The following PTER variants were observed in gnomAD, a reference collection of about 807,000 sequenced individuals.
PTER encodes the protein N-acetyltaurine hydrolase.
PTER carries 38 observed loss-of-function variants against 29.6 expected under a neutral mutation model. The observed-to-expected ratio is 1.28, with a 90% CI of 0.99 to 1.68. The LOEUF is 1.68. Among genes scored for constraint, PTER ranks in the 40% most tolerant of loss-of-function variants. The pLI, the probability that PTER is intolerant of heterozygous loss-of-function variation, is 0.00. For missense variants in PTER, 482 were observed against 427.8 expected (o/e 1.13, Z -1.12); for synonymous variants, 172 against 154.5 (o/e 1.11, Z -0.84).
intron 1 of PTER, among the ~76,000 whole-genome samples, chr10:16,454,412 T>C (rs935365761): frequency 1.3e-5 from 2 of 151,832 alleles, no homozygotes; most frequent in Admixed American, 1.3e-4. Context: ...CCATCTCTAC[T>C]AAAAATACAA....
intron 4 of PTER, among the ~76,000 whole-genome samples, chr10:16,506,735 G>A (rs1373239277): frequency 6.6e-6 from 1 of 151,944 alleles, no homozygotes; most frequent in African/African-American, 2.4e-5. Context: ...GTCCTCTAGT[G>A]TCTCTGTGAG....
At chr10:16,467,582 T>G (rs1394317439) in intron 1 of PTER, among the ~76,000 whole-genome samples, 1 of 151,980 alleles carries the variant, frequency 6.6e-6, no homozygotes, top group African/African-American at 2.4e-5. Context: ...GAGGTTGAGG[T>G]GGGTGGATCA....
chr10:16,477,758 C>G (rs1239546096), intron 1 of PTER, among the ~76,000 whole-genome samples: 1 of 152,138 alleles, frequency 6.6e-6, no homozygotes, highest in African/African-American at 2.4e-5. Flanking sequence ...TCAAGAATAG[C>G]CTTCCAGATG....
chr10:16,479,956 T>C (rs577863569), intron 1 of PTER, among the ~76,000 whole-genome samples: 1 of 150,514 alleles, frequency 6.6e-6, no homozygotes, highest in African/African-American at 2.4e-5. Flanking sequence ...ATTAGGTTGG[T>C]GCAAAAATAA....
chr10:16,492,424 A>C (rs556897057), intron 3 of PTER, among the ~76,000 whole-genome samples: 1 of 152,212 alleles, frequency 6.6e-6, no homozygotes, highest in Admixed American at 6.5e-5. Context: ...TAATGATAGC[A>C]CTGCCTTGGC....
chr10:16,477,089 A>G (rs1835297325), intron 1 of PTER, among the ~76,000 whole-genome samples: 1 of 152,012 alleles, frequency 6.6e-6, no homozygotes, highest in Non-Finnish European at 1.5e-5. Context: ...TGTTTTTAGT[A>G]GAGATGGGCT....
intron 1 of PTER, among the ~76,000 whole-genome samples, chr10:16,447,391 G>A (rs1406086807): frequency 6.6e-6 from 1 of 151,924 alleles, no homozygotes; most frequent in East Asian, 1.9e-4. Context: ...GTGAACCACT[G>A]CACTAAGCCT....
intron 1 of PTER, among the ~76,000 whole-genome samples, chr10:16,466,182 T>C (rs552450566): frequency 1.3e-5 from 2 of 152,266 alleles, no homozygotes; most frequent in South Asian, 4.1e-4. Flanking sequence ...GGTGTTGACT[T>C]TCCCAGGCAG....
At chr10:16,479,350 G>A (rs1421422609) in intron 1 of PTER, among the ~76,000 whole-genome samples, 1 of 152,138 alleles carries the variant, frequency 6.6e-6, no homozygotes, top group East Asian at 1.9e-4. Context: ...AGCTGAGAGA[G>A]TAGAAGCATG....
chr10:16,481,544 A>C lies in PTER; in HGVS notation c.-48-2793A>C, dbSNP rs941367895. On this transcript the variant is annotated intron_variant, in intron 1 of 4. Transcript: ENST00000535784. ...ACAGTTTGTTCTTTAATCGTTTCTT[A>C]TCCTTTGAGTGGAGGTTACATTGTG... Among the ~76,000 whole-genome samples the C allele has an allele frequency of 2.0e-5, 3 of 152,138 alleles. No homozygotes were observed. The East Asian group carries it at 5.8e-4, about 29-fold the overall frequency.
chr10:16,474,908 T>C (rs943091354), intron 1 of PTER, among the ~76,000 whole-genome samples: 2 of 151,852 alleles, frequency 1.3e-5, no homozygotes, highest in Non-Finnish European at 2.9e-5. Context: ...CAAAACAAAT[T>C]TATTTCTCAT....
intron 3 of PTER, among the ~76,000 whole-genome samples, chr10:16,492,354 C>T (rs996746378): frequency 1.3e-5 from 2 of 152,178 alleles, no homozygotes; most frequent in African/African-American, 4.8e-5. Flanking sequence ...TTCTGCCTTT[C>T]AATCACTTAC....
Position 16,501,103 on chromosome 10 carries a change from G to C in PTER, c.699-3917G>C, listed in dbSNP as rs746024357. On this transcript the variant is annotated intron_variant, in intron 3 of 4. Coordinates refer to ENST00000535784, the MANE Select transcript of PTER (RefSeq NM_001261836.2). The stretch of plus-strand genomic sequence containing the variant: ...GTGCCACCACACCCAGTTAATTTTT[G>C]TATTTTTAGTAAAGCCAGGGTTTCA... 3.3e-5 allele frequency among the ~76,000 whole-genome samples: 5 copies of C among 151,736 alleles called. No individual in the cohort carries two copies. In the South Asian group the frequency reaches 1.0e-3, roughly 32 times the overall value.
downstream of PTER, among the ~76,000 whole-genome samples, chr10:16,517,752 G>A (rs894069166): frequency 2.6e-5 from 4 of 152,092 alleles, no homozygotes; most frequent in Non-Finnish European, 5.9e-5. Context: ...TATTAGTGAG[G>A]ATCTATCATT....
chr10:16,479,462 A>G (rs938264585), intron 1 of PTER, among the ~76,000 whole-genome samples: 5 of 152,092 alleles, frequency 3.3e-5, no homozygotes, highest in Non-Finnish European at 5.9e-5. Flanking sequence ...CTGTATGCAC[A>G]ATGGAAGTAT....
chr10:16,504,432 G>C (rs1036327983), intron 3 of PTER, among the ~76,000 whole-genome samples: 26 of 152,196 alleles, frequency 1.7e-4, no homozygotes, highest in African/African-American at 6.0e-4. Context: ...GCACTCCAGA[G>C]CATAAATATC....
chr10:16,484,427 G>T lies in PTER; in HGVS notation c.43G>T (p.Val15Leu). ...AAAAGTCCAAACCGTTTTGGGCCTT[G>T]TAGAGCCAAGCAAACTGGGCCGTAC... is the stretch of plus-strand genomic sequence containing the variant. ...SGKVQTVLGL[V>L]EPSKLGRTLT... The change falls in exon 2 of 5, where the codon GTA (valine) becomes TTA (leucine). Residue 15 changes from valine to leucine, a missense_variant. Val to Leu is a conservative substitution (Grantham distance 32). Transcript: ENST00000535784. 1.2e-6 allele frequency: 2 copies of T among 1,612,178 alleles called. No individual in the cohort carries two copies. Among genetic ancestry groups the T allele is most frequent in the Non-Finnish European group, 1.7e-6 (2 of 1,179,556 alleles).
intron 3 of PTER, among the ~76,000 whole-genome samples, chr10:16,493,232 C>A (rs772144938): frequency 6.6e-6 from 1 of 152,052 alleles, no homozygotes; most frequent in Non-Finnish European, 1.5e-5. Flanking sequence ...TCTGAATATT[C>A]GTGAATTAAC....
At chr10:16,463,203 A>C (rs1208545717) in intron 1 of PTER, among the ~76,000 whole-genome samples, 1 of 147,528 alleles carries the variant, frequency 6.8e-6, no homozygotes, top group Non-Finnish European at 1.5e-5. Context: ...CTGTCTAAAA[A>C]AAAAAAAAAA....
Sources: allele counts gnomAD v4.1 joint callset (sites outside exome capture counted in the v4.1 genomes callset), GRCh38; gene constraint gnomAD v4.1.1; transcripts MANE v1.5; gene names NCBI Gene and HGNC (gene_info 2026-07-23, HGNC 2026-07-21).